Variants in ZNF532 observed in about 807,000 individuals in gnomAD.
ZNF532 encodes zinc finger protein 532.
In ZNF532, 22 loss-of-function variants were observed where a neutral mutation model predicts 89.3. The ratio of observed to expected loss-of-function variants is 0.25; its 90% CI spans 0.18 to 0.35. The LOEUF (loss-of-function observed/expected upper bound fraction) is 0.35, where lower values mean the gene tolerates loss of function less well. Ranked by LOEUF, ZNF532 falls within the 10% of genes least tolerant of loss-of-function variation. ZNF532 has a pLI of 1.00. For synonymous variants in ZNF532, 606 were observed against 649.6 expected, an observed-to-expected ratio of 0.93 and a Z score of 1.02; for missense variants, 1,132 against 1,643.4, an observed-to-expected ratio of 0.69 and a Z score of 5.38.
Position 58,918,595 on chromosome 18 carries a change from G to T in ZNF532, c.308G>T (p.Ser103Ile). ...FLTASSLDSY[S>I]KDGAKSLKGD... The stretch of plus-strand genomic sequence containing the variant: ...ACAGCATCCTCCCTTGACAGTTACA[G>T]TAAAGATGGAGCAAAGTCCTTGAAA... The change falls in exon 3 of 10, where the codon AGT becomes ATT. Residue 103 changes from serine (S) to isoleucine (I), a missense_variant. Physicochemically the swap from Ser to Ile is moderately radical, Grantham distance 142. Transcript: ENST00000591808. The T allele has an allele frequency of 1.2e-6, 2 of 1,614,228 alleles. No individual in the cohort carries two copies. Among genetic ancestry groups the T allele is most frequent in the Non-Finnish European group, 1.7e-6 (2 of 1,180,048 alleles).
chr18:58,878,137 C>T (rs1397682568), intron 2 of ZNF532, among the ~76,000 whole-genome samples: 1 of 152,136 alleles, frequency 6.6e-6, no homozygotes, highest in Non-Finnish European at 1.5e-5. Flanking sequence ...CACCTGTATT[C>T]CCAGCTACTC....
rs372955359 is a variant in ZNF532, at chr18:58,918,489, G to A, written c.202G>A (p.Val68Ile). Residue 68 changes from valine to isoleucine, a missense_variant, in exon 3 of 10, where the codon GTT becomes ATT. Val to Ile is a conservative substitution (Grantham distance 29, BLOSUM62 3). This residue lies in a region of ZNF532 where 302 missense variants were observed against 319.8 expected (regional missense o/e 0.94). Transcript: ENST00000591808. The stretch of plus-strand genomic sequence containing the variant: ...GGGTGTCAGCGTTATCGTCAAGAAT[G>A]TTCGGAACATTGACTCTTCCGAGGG... ...DVGVSVIVKN[V>I]RNIDSSEGGE... 26 of 1,614,176 alleles carry A rather than the reference G, an allele frequency of 1.6e-5. No homozygotes were observed. The African/African-American group carries it at 2.0e-4, about 12-fold the overall frequency.
intron 7 of ZNF532, among the ~76,000 whole-genome samples, chr18:58,959,359 G>A (rs886739378): frequency 5.6e-5 from 8 of 144,138 alleles, no homozygotes; most frequent in African/African-American, 1.8e-4. Context: ...TGCAACCTCC[G>A]CCTCCCAGGC....
chr18:58,961,220 A>AGCTGATGCTGAT (rs1271411369), intron 7 of ZNF532, among the ~76,000 whole-genome samples: 4 of 152,200 alleles, frequency 2.6e-5, no homozygotes, highest in Admixed American at 1.3e-4. Context: ...CACAAGCCCT[A>AGCTGATGCTGAT]GCTGATGCTG....
At chr18:58,925,968 A>G (rs139429675) in intron 3 of ZNF532, among the ~76,000 whole-genome samples, 1 of 152,356 alleles carries the variant, frequency 6.6e-6, no homozygotes, top group African/African-American at 2.4e-5. Context: ...CTCTACCAGT[A>G]TCTACAGTCT....
chr18:58,912,968 C>G (rs1263050884), intron 2 of ZNF532, among the ~76,000 whole-genome samples: 1 of 152,066 alleles, frequency 6.6e-6, no homozygotes, highest in Non-Finnish European at 1.5e-5. Flanking sequence ...ATGTCCCCAG[C>G]TGGTTTAGGA....
At chr18:58,872,952 C>A (rs932347269) in intron 2 of ZNF532, among the ~76,000 whole-genome samples, 1 of 152,236 alleles carries the variant, frequency 6.6e-6, no homozygotes, top group South Asian at 2.1e-4. Flanking sequence ...CCCACCTTGG[C>A]CTCCCAAAGT....
intron 2 of ZNF532, among the ~76,000 whole-genome samples, chr18:58,915,624 G>A (rs559486849): frequency 5.3e-5 from 8 of 152,298 alleles, no homozygotes; most frequent in Admixed American, 3.3e-4. Flanking sequence ...GATTCAGTAC[G>A]GCTGCTGTGC....
chr18:58,963,226 G>C (rs1172717114), intron 7 of ZNF532, among the ~76,000 whole-genome samples: 1 of 152,166 alleles, frequency 6.6e-6, no homozygotes, highest in Non-Finnish European at 1.5e-5. Context: ...ATGATTTTAG[G>C]ATGTCTTAAT....
intron 2 of ZNF532, among the ~76,000 whole-genome samples, chr18:58,917,696 C>CCTT (rs2060705057): frequency 1.3e-5 from 2 of 151,374 alleles, no homozygotes; most frequent in Admixed American, 1.3e-4. Context: ...AGAATCAGCT[C>CCTT]CTTAGGGTTT....
chr18:58,902,452 G>T (rs776016786), intron 2 of ZNF532, among the ~76,000 whole-genome samples: 1 of 151,454 alleles, frequency 6.6e-6, no homozygotes, highest in Non-Finnish European at 1.5e-5. Flanking sequence ...AGAGAAACCT[G>T]TGTATTCTTT....
chr18:58,981,186 A>G, intron 8 of ZNF532: 2 of 377,158 alleles, frequency 5.3e-6, no homozygotes, highest in South Asian at 5.5e-5. Flanking sequence ...GGGACCTTAT[A>G]CTAATGTGTT....
At chr18:58,890,397 G>C (rs1209153553) in intron 2 of ZNF532, among the ~76,000 whole-genome samples, 1 of 151,708 alleles carries the variant, frequency 6.6e-6, no homozygotes, top group Non-Finnish European at 1.5e-5. Context: ...GGCCATTATT[G>C]TGTCTTTGAC....
At chr18:58,981,323 T>C (rs906963478) in intron 8 of ZNF532, 147 bp from the exon 9 acceptor site, 9 of 1,003,660 alleles carry the variant, frequency 9.0e-6, no homozygotes, top group Admixed American at 2.3e-5. Context: ...GCAAAATTGC[T>C]GATTGCGTGT....
In ZNF532 at chr18:58,919,743, G is replaced by C. The variant is rs781476876; in HGVS notation, c.1456G>C (p.Val486Leu). 3 of 1,614,178 alleles carry C rather than the reference G, an allele frequency of 1.9e-6. No homozygotes were observed. Among genetic ancestry groups the C allele is most frequent in the South Asian group, 1.1e-5 (1 of 91,076 alleles). Residue 486 changes from valine to leucine, a missense_variant, in exon 3 of 10, where the codon GTC (valine) becomes CTC (leucine). Val to Leu is a conservative substitution (Grantham distance 32). Transcript: ENST00000591808. This position sits in a 1 kb window ranked among gnomAD's most constrained non-coding sequence, Gnocchi z 6.1. ...VKATVISAASVQSASSAIIKA... is the reference protein window; with the variant it reads ...VKATVISAASLQSASSAIIKA... ...AGCCACGGTCATATCTGCTGCCTCTGTCCAGAGTGCCAGCAGCGCCATCAT... is the reference window on the plus strand; with the variant it reads ...AGCCACGGTCATATCTGCTGCCTCTCTCCAGAGTGCCAGCAGCGCCATCAT...
chr18:58,883,825 A>G (rs2058092072), intron 2 of ZNF532, among the ~76,000 whole-genome samples: 1 of 152,132 alleles, frequency 6.6e-6, no homozygotes, highest in South Asian at 2.1e-4. Context: ...ATTGCTAAAT[A>G]TAATTGGTGA....
At chr18:58,939,246 C>CAAA (rs71336307) in intron 4 of ZNF532, among the ~76,000 whole-genome samples, 199 bp from the exon 5 acceptor site, 1,444 of 34,464 alleles carry the variant, frequency 0.042, 267 homozygotes, top group Middle Eastern at 0.094. Context: ...GACGTTGTCT[C>CAAA]AAAAAAAAAA....
chr18:58,957,872 CT>C (rs1375088823), intron 7 of ZNF532, among the ~76,000 whole-genome samples: 3 of 152,040 alleles, frequency 2.0e-5, no homozygotes, highest in African/African-American at 7.2e-5. Flanking sequence ...GAGACCCCCC[CT>C]GGCCAACATG....
At chr18:58,865,849 G>A (rs778260554) in intron 2 of ZNF532, among the ~76,000 whole-genome samples, 1 of 152,194 alleles carries the variant, frequency 6.6e-6, no homozygotes, top group Admixed American at 6.5e-5. Context: ...AATGGTAGGC[G>A]TCAGGGCCTT....
Sources: gnomAD v4.1 joint callset for allele counts (sites outside exome capture counted in the v4.1 genomes callset) on GRCh38, gnomAD v4.1.1 for gene constraint, gnomAD v4.1.1 regional missense constraint, Gnocchi (gnomAD v3.1) non-coding constraint, MANE v1.5 for transcripts, NCBI Gene and HGNC (gene_info 2026-07-23, HGNC 2026-07-21) for gene names.